CCDC40: variants seen among roughly 807,000 people sequenced by gnomAD.
CCDC40 encodes coiled-coil domain 40 molecular ruler complex subunit.
CCDC40 carries 104 observed loss-of-function variants against 124.5 expected under a neutral mutation model. The ratio of observed to expected loss-of-function variants is 0.84; its 90% CI spans 0.71 to 0.98. The LOEUF (loss-of-function observed/expected upper bound fraction) is 0.98, where lower values mean the gene tolerates loss of function less well. Ranked by LOEUF, CCDC40 falls within the 50% of genes least tolerant of loss-of-function variation. The pLI is 0.00. For synonymous variants in CCDC40, 580 were observed against 602.9 expected (o/e 0.96, Z 0.56); for missense variants, 1,463 against 1,503.9 (o/e 0.97, Z 0.45).
rs1441077591 is a variant in CCDC40 at position 80,051,650 on chromosome 17, A to AAAAAAG, written c.1159+1371_1159+1372insAGAAAA. Among the ~76,000 whole-genome samples the AAAAAAG allele has an allele frequency of 5.7e-3, 817 of 143,760 alleles. 19 individuals carry two copies. Among genetic ancestry groups the AAAAAAG allele is most frequent in the African/African-American group, 0.02 (783 of 38,946 alleles). The allele number at this position is 143,760 out of a possible 152,430, so 94.3% of individuals were successfully genotyped here. A position where few individuals can be genotyped will look rare whatever the true frequency, so the allele number is the denominator to read the frequency against. ...TCTCAAAAAAAAAAAAAAAAAAAAA[A>AAAAAAG]AAAAGAAAAAAGAACCTCTCTCCAG... On this transcript the variant is annotated intron_variant, in intron 7 of 19. Coordinates refer to ENST00000397545, the MANE Select transcript of CCDC40 (RefSeq NM_017950.4).
Position 80,095,522 on chromosome 17 carries a change from C to T in CCDC40, c.3021+71C>T, listed in dbSNP as rs2038795608. 5.4e-6 allele frequency: 8 copies of T among 1,481,318 alleles called. No individual in the cohort carries two copies. The South Asian group carries it at 7.0e-5, about 13-fold the overall frequency. 91.8% of individuals were successfully genotyped at this position (1,481,318 alleles called of 1,614,324 possible). A position where few individuals can be genotyped will look rare whatever the true frequency, so the allele number is the denominator to read the frequency against. ...GGATTCAAGGAACACTCCAGGAAGG[C>T]GTCTTGCTGGGTCCGGGGTGAGGAT... On this transcript the variant is annotated intron_variant, in intron 18 of 19. Transcript: ENST00000397545.
intron 3 of CCDC40, among the ~76,000 whole-genome samples, chr17:80,046,551 A>AATAATG (rs1050528836): frequency 1.3e-5 from 2 of 151,430 alleles, no homozygotes; most frequent in African/African-American, 4.9e-5. Context: ...TAATAATAAT[A>AATAATG]ATAATAAAAG....
intron 7 of CCDC40, among the ~76,000 whole-genome samples, chr17:80,054,042 G>C (rs946560299): frequency 3.3e-5 from 5 of 152,088 alleles, no homozygotes; most frequent in African/African-American, 1.2e-4. Flanking sequence ...CATTCTATTC[G>C]AGAAGCTAAA....
chr17:80,077,688 T>A (rs1043573314), intron 10 of CCDC40, among the ~76,000 whole-genome samples: 2 of 152,218 alleles, frequency 1.3e-5, no homozygotes, highest in Non-Finnish European at 2.9e-5. Flanking sequence ...TTAGCAAATG[T>A]GTGGTGCATC....
chr17:80,090,679 TG>T, intron 17 of CCDC40: 12 of 1,430,690 alleles, frequency 8.4e-6, no homozygotes, highest in Non-Finnish European at 1.1e-5. Context: ...TGTCTCTCCA[TG>T]GTCACAATTA....
At chr17:80,059,003 T>C in intron 9 of CCDC40, 23 bp downstream of exon 9, 1 of 1,614,146 alleles carries the variant, frequency 6.2e-7, no homozygotes, top group Non-Finnish European at 8.5e-7. Context: ...CCCGCAGCTC[T>C]CAGTGTTCGA....
chr17:80,055,999 TA>T (rs1568682565), intron 7 of CCDC40, among the ~76,000 whole-genome samples: 206 of 15,018 alleles, frequency 0.014, 19 homozygotes, highest in African/African-American at 0.019. Flanking sequence ...TATATATATA[TA>T]TATATATATA....
intron 10 of CCDC40, among the ~76,000 whole-genome samples, chr17:80,073,946 A>G (rs945531498): frequency 1.3e-5 from 2 of 152,040 alleles, no homozygotes; most frequent in Non-Finnish European, 2.9e-5. Flanking sequence ...TCGGCCTCCC[A>G]AAGTGCCGGG....
chr17:80,065,010 T>C (rs1463651151), intron 9 of CCDC40, among the ~76,000 whole-genome samples: 2 of 142,606 alleles, frequency 1.4e-5, no homozygotes, highest in Non-Finnish European at 1.5e-5. Context: ...CCCCTCCTCC[T>C]CTCCCTCCTC....
In CCDC40 at chr17:80,100,381, C is replaced by T. The variant is rs944041893; in HGVS notation, c.*606C>T. 6.1e-6 allele frequency: 1 copy of T among 163,116 alleles called. No homozygotes were observed. The highest frequency in any genetic ancestry group is 2.4e-5 in the African/African-American group (1 of 41,516). The allele number at this position is 163,116 out of a possible 1,614,324, so 10.1% of individuals were successfully genotyped here. ...AGTCAGTGGCCCCAGACACACGTAA[C>T]AGGGTGAGCACTGAAATAAGAGCAC... is the stretch of plus-strand genomic sequence containing the variant. On this transcript the variant is annotated 3_prime_UTR_variant, in exon 20 of 20. Transcript: ENST00000397545.
chr17:80,080,933 A>T (rs1364246302), intron 10 of CCDC40, among the ~76,000 whole-genome samples: 2 of 152,178 alleles, frequency 1.3e-5, no homozygotes, highest in Admixed American at 1.3e-4. Context: ...GAATGTTCTC[A>T]ACACGAAGGA....
At chr17:80,078,410 T>G (rs151156773) in intron 10 of CCDC40, among the ~76,000 whole-genome samples, 2 of 152,228 alleles carry the variant, frequency 1.3e-5, no homozygotes, top group African/African-American at 4.8e-5. Flanking sequence ...CCACTAAAGT[T>G]TTCCAGGTCT....
At chr17:80,083,775 G>T (rs2038513976) in intron 12 of CCDC40, among the ~76,000 whole-genome samples, 1 of 152,252 alleles carries the variant, frequency 6.6e-6, no homozygotes, top group Non-Finnish European at 1.5e-5. Flanking sequence ...GCCAGCACTG[G>T]CGGCTCAGAC....
intron 17 of CCDC40, chr17:80,090,087 C>T (rs944243885): frequency 8.5e-6 from 13 of 1,536,344 alleles, no homozygotes; most frequent in African/African-American, 4.1e-5. Flanking sequence ...ACTGGCAAAG[C>T]GCACGTCCCC....
intron 9 of CCDC40, 147 bp downstream of exon 9, chr17:80,059,127 C>G: frequency 1.0e-6 from 1 of 977,408 alleles, no homozygotes; most frequent in African/African-American, 1.6e-5. Context: ...GGGCCCTCCC[C>G]ATGGTGGGGC....
rs139283278 is a variant in CCDC40 at position 80,081,010 on chromosome 17, G to A, written c.1563-536G>A. Among the ~76,000 whole-genome samples, 55 of 152,312 alleles carry A rather than the reference G, an allele frequency of 3.6e-4. No homozygotes were observed. The East Asian group carries it at 7.7e-3, about 21-fold the overall frequency. On this transcript the variant is annotated intron_variant, in intron 10 of 19. Coordinates refer to ENST00000397545, the MANE Select transcript of CCDC40 (RefSeq NM_017950.4). ...TGATCATGACATGCTGTATGCTTGT[G>A]TCAAAATATCGCATGTACCTCTCAA... is the stretch of plus-strand genomic sequence containing the variant.
At chr17:80,093,966 C>G (rs988991765) in intron 17 of CCDC40, among the ~76,000 whole-genome samples, 1 of 152,076 alleles carries the variant, frequency 6.6e-6, no homozygotes, top group African/African-American at 2.4e-5. Flanking sequence ...TTTAGTGTTT[C>G]TTAGTGTGGC....
chr17:80,078,570 G>T (rs968978745), intron 10 of CCDC40, among the ~76,000 whole-genome samples: 1 of 152,086 alleles, frequency 6.6e-6, no homozygotes, highest in Non-Finnish European at 1.5e-5. Flanking sequence ...TGACACCTTT[G>T]TCAAAGATCA....
In CCDC40 at chr17:80,095,251, C is replaced by T. The variant is rs2038786666; in HGVS notation, c.2833-12C>T. 1.2e-6 allele frequency: 2 copies of T among 1,613,468 alleles called. No individual in the cohort carries two copies. Among genetic ancestry groups the T allele is most frequent in the African/African-American group, 2.7e-5 (2 of 75,076 alleles). ...CCTGCCCCAGCCCCAGCCCCTCTGT[C>T]CTGTCTCCCAGGTCAGGCTCGGGCA... On this transcript the variant is annotated splice_polypyrimidine_tract_variant and intron_variant, in intron 17 of 19. Transcript: ENST00000397545.
Sources: gnomAD v4.1 joint callset for allele counts (sites outside exome capture counted in the v4.1 genomes callset) on GRCh38, gnomAD v4.1.1 for gene constraint, MANE v1.5 for transcripts, NCBI Gene and HGNC (gene_info 2026-07-23, HGNC 2026-07-21) for gene names.